OCA2: variants seen among roughly 807,000 people sequenced by gnomAD.
OCA2 encodes the protein OCA2 melanosomal transmembrane protein, also known as P protein.
In OCA2, 77 loss-of-function variants were observed where a neutral mutation model predicts 100.2. That is an observed-to-expected ratio of 0.77 (90% CI 0.64 to 0.93). The LOEUF (loss-of-function observed/expected upper bound fraction) is 0.93. OCA2 is among the 40% of genes least tolerant of loss of function. OCA2 has a pLI of 0.00. For missense variants in OCA2, 1,062 were observed against 1,089.1 expected (o/e 0.98, Z 0.35); for synonymous variants, 432 against 439.2 (o/e 0.98, Z 0.21).
At chr15:28,097,929 C>T (rs1181504007) in intron 1 of OCA2, among the ~76,000 whole-genome samples, 11 of 152,294 alleles carry the variant, frequency 7.2e-5, no homozygotes, top group Admixed American at 6.5e-4. Flanking sequence ...TGGCCTCAAA[C>T]TCAAAATATT....
intron 22 of OCA2, among the ~76,000 whole-genome samples, chr15:27,847,831 G>A (rs2035592585): frequency 6.6e-6 from 1 of 152,182 alleles, no homozygotes; most frequent in Non-Finnish European, 1.5e-5. Context: ...ACCAGCCGGT[G>A]TTAGCCGTAG....
intron 19 of OCA2, among the ~76,000 whole-genome samples, chr15:27,882,251 A>T (rs1012912019): frequency 3.3e-5 from 5 of 152,104 alleles, no homozygotes; most frequent in African/African-American, 1.2e-4. Flanking sequence ...ATGTAAAAAA[A>T]TTTTCTCTAA....
chr15:27,884,375 A>AAAAT (rs1029898015), intron 19 of OCA2, among the ~76,000 whole-genome samples: 1 of 152,212 alleles, frequency 6.6e-6, no homozygotes, highest in Non-Finnish European at 1.5e-5. Context: ...ACCCTGTTTC[A>AAAAT]AAATAAATAA....
chr15:27,987,685 C>T (rs1463838030), intron 11 of OCA2, among the ~76,000 whole-genome samples: 3 of 151,898 alleles, frequency 2.0e-5, no homozygotes, highest in Admixed American at 6.6e-5. Context: ...GCCAAGATCA[C>T]GCCACTGCAC....
At chr15:27,899,913 A>C (rs2037856732) in intron 19 of OCA2, among the ~76,000 whole-genome samples, 1 of 152,068 alleles carries the variant, frequency 6.6e-6, no homozygotes, top group African/African-American at 2.4e-5. Flanking sequence ...ATACCCAGTG[A>C]CCCACTTCAG....
In OCA2 at chr15:27,910,336, T is replaced by C. The variant is rs369150716; in HGVS notation, c.2079+15791A>G. ...ACCTTTGACTCTGTGATCTGACTTCTAGAAATATACCCTGAAGGTACACCT... is the reference window on the plus strand; with the variant it reads ...ACCTTTGACTCTGTGATCTGACTTCCAGAAATATACCCTGAAGGTACACCT... On this transcript the variant is annotated intron_variant, in intron 19 of 23. Coordinates refer to ENST00000354638, the MANE Select transcript of OCA2 (RefSeq NM_000275.3). 2.7e-4 allele frequency among the ~76,000 whole-genome samples: 41 copies of C among 152,354 alleles called. 2 individuals are homozygous for C. Among genetic ancestry groups the C allele is most frequent in the East Asian group, 2.1e-3 (11 of 5,186 alleles).
chr15:27,745,197 C>T, the OCA2 span, among the ~76,000 whole-genome samples: 1 of 152,072 alleles, frequency 6.6e-6, no homozygotes, highest in African/African-American at 2.4e-5. Context: ...TAGACGGAGT[C>T]GGGCATTTCC....
chr15:27,745,078 C>A, the OCA2 span, among the ~76,000 whole-genome samples: 1 of 152,172 alleles, frequency 6.6e-6, no homozygotes, highest in African/African-American at 2.4e-5. Context: ...TCCCGACCCC[C>A]AGAGAGGGTT....
At chr15:28,045,302 A>G (rs1242429192) in intron 2 of OCA2, among the ~76,000 whole-genome samples, 3 of 152,242 alleles carry the variant, frequency 2.0e-5, no homozygotes, top group Admixed American at 6.5e-5. Flanking sequence ...ATAGGAATAT[A>G]TACATGTATG....
chr15:27,724,198 G>T, the OCA2 span, among the ~76,000 whole-genome samples: 1 of 152,178 alleles, frequency 6.6e-6, no homozygotes, highest in Admixed American at 6.5e-5. Flanking sequence ...ACTGCAGACT[G>T]GGGGAGTCAT....
chr15:27,746,415 C>G, the OCA2 span, among the ~76,000 whole-genome samples: 1 of 152,050 alleles, frequency 6.6e-6, no homozygotes, highest in Non-Finnish European at 1.5e-5. Flanking sequence ...GAGCCGAGAT[C>G]GTGCCGCTGC....
chr15:27,902,976 C>T (rs927966353), intron 19 of OCA2, among the ~76,000 whole-genome samples: 13 of 152,196 alleles, frequency 8.5e-5, no homozygotes, highest in African/African-American at 2.9e-4. Flanking sequence ...GACCTCGATC[C>T]CCTCGGGAGC....
chr15:27,808,024 C>T (rs1408597777), intron 23 of OCA2, among the ~76,000 whole-genome samples: 2 of 152,318 alleles, frequency 1.3e-5, no homozygotes, highest in East Asian at 3.9e-4. Context: ...GTGTTGCAGA[C>T]ACAGGTGCCT....
At chr15:28,018,927 C>T (rs1465747487) in intron 6 of OCA2, among the ~76,000 whole-genome samples, 3 of 152,210 alleles carry the variant, frequency 2.0e-5, no homozygotes, top group Non-Finnish European at 4.4e-5. Context: ...TCCTATCACA[C>T]CTTTCAGGAC....
intron 1 of OCA2, among the ~76,000 whole-genome samples, chr15:28,098,463 C>G (rs1163501676): frequency 6.6e-6 from 1 of 152,264 alleles, no homozygotes; most frequent in African/African-American, 2.4e-5. Context: ...CAGCTGCCCA[C>G]AACTGCTAAC....
intron 19 of OCA2, among the ~76,000 whole-genome samples, chr15:27,921,830 T>A (rs571620188): frequency 1.3e-5 from 2 of 152,308 alleles, no homozygotes; most frequent in African/African-American, 4.8e-5. Flanking sequence ...GCCTCCTGAG[T>A]AGCTGGGACT....
intron 23 of OCA2, among the ~76,000 whole-genome samples, chr15:27,824,602 C>CTCTATATATATATATATA: frequency 2.1e-5 from 1 of 47,592 alleles, no homozygotes; most frequent in Admixed American, 2.9e-4. Flanking sequence ...CTCTCTCTCT[C>CTCTATATATATATATATA]TATATATATA....
chr15:28,042,395 G>A (rs983214753), intron 2 of OCA2, among the ~76,000 whole-genome samples: 1 of 151,860 alleles, frequency 6.6e-6, no homozygotes, highest in African/African-American at 2.4e-5. Context: ...GGGAGGCCAA[G>A]GTGGGTGGAT....
intron 18 of OCA2, among the ~76,000 whole-genome samples, chr15:27,931,439 A>T (rs2039246667): frequency 1.3e-5 from 2 of 152,160 alleles, no homozygotes; most frequent in African/African-American, 4.8e-5. Flanking sequence ...GGTTCAAGTG[A>T]TTCTCCTGCC....
Sources: gnomAD v4.1 joint callset for allele counts (sites outside exome capture counted in the v4.1 genomes callset) on GRCh38, gnomAD v4.1.1 for gene constraint, MANE v1.5 for transcripts, NCBI Gene and HGNC (gene_info 2026-07-23, HGNC 2026-07-21) for gene names.